Variants in RUNX1 observed in about 807,000 individuals in gnomAD.
RUNX1 encodes runt-related transcription factor 1.
In RUNX1, 19 loss-of-function variants were observed where a neutral mutation model predicts 42.8. The ratio of observed to expected loss-of-function variants is 0.44; its 90% confidence interval spans 0.31 to 0.65. The LOEUF (loss-of-function observed/expected upper bound fraction) is 0.65, where lower values mean the gene tolerates loss of function less well. RUNX1 is among the 30% of genes least tolerant of loss of function. RUNX1 has a pLI of 0.07. For missense variants in RUNX1, 528 were observed against 672.0 expected, an observed-to-expected ratio of 0.79 and a Z score of 2.37; for synonymous variants, 271 against 289.4, an observed-to-expected ratio of 0.94 and a Z score of 0.64.
At chr21:34,834,292 C>T (rs2057108316) in intron 7 of RUNX1, 118 bp downstream of exon 7, 1 of 1,086,108 alleles carries the variant, frequency 9.2e-7, no homozygotes, top group Non-Finnish European at 1.4e-6. Context: ...CGAGGCCTTT[C>T]TCTGAGCATC....
chr21:35,021,039 C>A (rs1379429251), intron 2 of RUNX1, among the ~76,000 whole-genome samples: 2 of 152,110 alleles, frequency 1.3e-5, no homozygotes, highest in Non-Finnish European at 2.9e-5. Context: ...TAGCTTTAGT[C>A]TTTTCTCAAG....
intron 1 of RUNX1, 100 bp downstream of exon 1, chr21:35,049,068 T>A: frequency 1.5e-6 from 1 of 647,252 alleles, no homozygotes; most frequent in South Asian, 1.6e-5. Context: ...CCAAGCCCTA[T>A]TAAAAAATGC....
chr21:34,789,227 G>A lies in RUNX1; in HGVS notation c.*2908C>T. On this transcript the variant is annotated 3_prime_UTR_variant, in exon 9 of 9. Transcript: ENST00000675419. The stretch of plus-strand genomic sequence containing the variant: ...GGACCTTCTTGTGTTCTGAAATTTG[G>A]TACTGGGTGGGGGTATGTGCTATCT... 1 of 233,380 alleles carries A rather than the reference G, an allele frequency of 4.3e-6. No individual in the cohort carries two copies. The highest frequency in any genetic ancestry group is 8.5e-6 in the Non-Finnish European group (1 of 118,170). The allele number at this position is 233,380 out of a possible 1,614,324, so 14.5% of individuals were successfully genotyped here. A position where few individuals can be genotyped will look rare whatever the true frequency, so the allele number is the denominator to read the frequency against.
intron 7 of RUNX1, among the ~76,000 whole-genome samples, chr21:34,812,497 G>C (rs1482074244): frequency 1.3e-5 from 2 of 152,088 alleles, no homozygotes; most frequent in African/African-American, 4.8e-5. Context: ...TCATCTAGGG[G>C]CAATCTACAC....
At chr21:35,005,427 C>T (rs1298661575) in intron 2 of RUNX1, among the ~76,000 whole-genome samples, 1 of 152,100 alleles carries the variant, frequency 6.6e-6, no homozygotes, top group Non-Finnish European at 1.5e-5. Flanking sequence ...AATGGCCCCA[C>T]CCCATACCCC....
intron 8 of RUNX1, among the ~76,000 whole-genome samples, chr21:34,796,854 G>A (rs1288819532): frequency 1.3e-5 from 2 of 152,206 alleles, no homozygotes; most frequent in Non-Finnish European, 2.9e-5. Context: ...TTCAGACAAG[G>A]TGTGGAGTCT....
At chr21:34,991,848 A>T (rs1265846425) in intron 2 of RUNX1, among the ~76,000 whole-genome samples, 2 of 152,158 alleles carry the variant, frequency 1.3e-5, no homozygotes, top group African/African-American at 2.4e-5. Context: ...CTAATGACTG[A>T]TGTCCTTATA....
chr21:34,995,831 G>T (rs1292173278), intron 2 of RUNX1, among the ~76,000 whole-genome samples: 4 of 152,110 alleles, frequency 2.6e-5, no homozygotes, highest in African/African-American at 9.7e-5. Flanking sequence ...AGGCTATTTA[G>T]GAACTAATGC....
intron 2 of RUNX1, among the ~76,000 whole-genome samples, chr21:34,981,181 G>A (rs576934736): frequency 6.6e-6 from 1 of 152,288 alleles, no homozygotes; most frequent in East Asian, 1.9e-4. Context: ...CATTGCTTGT[G>A]GAGTTCGTTT....
At chr21:34,854,755 C>G (rs1024751310) in intron 6 of RUNX1, among the ~76,000 whole-genome samples, 1 of 144,372 alleles carries the variant, frequency 6.9e-6, no homozygotes, top group Non-Finnish European at 1.5e-5. Flanking sequence ...TCCTCAAGGA[C>G]GGGCTGCCCA....
chr21:34,946,587 C>G (rs2058564699), intron 2 of RUNX1, among the ~76,000 whole-genome samples: 1 of 152,116 alleles, frequency 6.6e-6, no homozygotes, highest in Non-Finnish European at 1.5e-5. Context: ...AAAAAAAAGA[C>G]TGTAGAGGGT....
At chr21:35,019,283 T>C (rs976866453) in intron 2 of RUNX1, among the ~76,000 whole-genome samples, 1 of 152,234 alleles carries the variant, frequency 6.6e-6, no homozygotes, top group African/African-American at 2.4e-5. Context: ...TAAGTTGACC[T>C]GAGTCCTCTG....
intron 2 of RUNX1, among the ~76,000 whole-genome samples, chr21:34,902,640 G>A (rs2058186321): frequency 6.6e-6 from 1 of 152,048 alleles, no homozygotes; most frequent in African/African-American, 2.4e-5. Flanking sequence ...ATTAATTCAT[G>A]CAATTAACAT....
At chr21:34,960,762 G>A (rs551312851) in intron 2 of RUNX1, among the ~76,000 whole-genome samples, 26 of 152,244 alleles carry the variant, frequency 1.7e-4, no homozygotes, top group African/African-American at 5.5e-4. Context: ...GGCTGTGACC[G>A]ATGAACAAAC....
intron 2 of RUNX1, among the ~76,000 whole-genome samples, chr21:34,948,370 T>C (rs1227632891): frequency 1.3e-5 from 2 of 152,114 alleles, no homozygotes; most frequent in Non-Finnish European, 2.9e-5. Context: ...GACTTGCATT[T>C]CATTCCTCTG....
At chr21:34,855,459 C>T (rs1388135253) in intron 6 of RUNX1, among the ~76,000 whole-genome samples, 1 of 152,156 alleles carries the variant, frequency 6.6e-6, no homozygotes, top group African/African-American at 2.4e-5. Context: ...AATCCCAGCA[C>T]TTTGGGAAGC....
intron 2 of RUNX1, among the ~76,000 whole-genome samples, chr21:34,961,329 C>A (rs542806849): frequency 6.6e-6 from 1 of 151,816 alleles, no homozygotes; most frequent in Non-Finnish European, 1.5e-5. Context: ...TGCACTCCAG[C>A]CTGGTGACAG....
At chr21:34,900,027 C>A (rs2146482622) in intron 2 of RUNX1, among the ~76,000 whole-genome samples, 1 of 152,228 alleles carries the variant, frequency 6.6e-6, no homozygotes, top group East Asian at 1.9e-4. Context: ...TATTCTAGAG[C>A]AGCACATCCA....
At chr21:35,038,177 G>A (rs1333714740) in intron 2 of RUNX1, among the ~76,000 whole-genome samples, 3 of 152,134 alleles carry the variant, frequency 2.0e-5, no homozygotes, top group Non-Finnish European at 4.4e-5. Flanking sequence ...CGTGAGGTTC[G>A]ATAAATGGCT....
Sources: gnomAD v4.1 joint callset for allele counts (sites outside exome capture counted in the v4.1 genomes callset) on GRCh38, gnomAD v4.1.1 for gene constraint, MANE v1.5 for transcripts, NCBI Gene and HGNC (gene_info 2026-07-23, HGNC 2026-07-21) for gene names.